IMMP2L: variants seen among roughly 807,000 people sequenced by gnomAD.
The protein encoded by IMMP2L is mitochondrial inner membrane protease subunit 2.
In IMMP2L, 18 loss-of-function variants were observed where a neutral mutation model predicts 19.3. The ratio of observed to expected loss-of-function variants is 0.93; its 90% confidence interval spans 0.64 to 1.38. IMMP2L has a LOEUF of 1.38. Among genes scored for constraint, IMMP2L ranks in the 40% most tolerant of loss-of-function variants. The pLI, the probability that IMMP2L is intolerant of heterozygous loss-of-function variation, is 0.00. For missense variants in IMMP2L, 233 were observed against 218.2 expected, an observed-to-expected ratio of 1.07 and a Z score of -0.43; for synonymous variants, 76 against 73.0, an observed-to-expected ratio of 1.04 and a Z score of -0.21.
At chr7:110,895,816 A>G (rs1338359584) in intron 4 of IMMP2L, among the ~76,000 whole-genome samples, 1 of 152,106 alleles carries the variant, frequency 6.6e-6, no homozygotes, top group Non-Finnish European at 1.5e-5. Context: ...TGTAACTCCC[A>G]GTTTTTCATT....
chr7:110,791,703 C>T (rs888330580), intron 5 of IMMP2L, among the ~76,000 whole-genome samples: 6 of 151,726 alleles, frequency 4.0e-5, no homozygotes, highest in African/African-American at 1.2e-4. Flanking sequence ...CCCCTAATAC[C>T]TTCTAATACT....
chr7:111,178,402 C>G (rs7792161), intron 3 of IMMP2L, among the ~76,000 whole-genome samples: 137,343 of 152,108 alleles, frequency 0.9, 62,080 homozygotes, highest in Non-Finnish European at 0.92. Context: ...TGACTAATCA[C>G]GGTGATGGAT....
Position 111,282,695 on chromosome 7 carries a change from C to T in IMMP2L, c.239+204543G>A, listed in dbSNP as rs547131501. 1.2e-4 allele frequency among the ~76,000 whole-genome samples: 18 copies of T among 152,150 alleles called. 1 individual carries two copies. In the East Asian group the frequency reaches 3.1e-3, roughly 26 times the overall value. On this transcript the variant is annotated intron_variant, in intron 3 of 5. Transcript: ENST00000405709. ...ACCTCCCAGGCTCAGGCAATCCTCC[C>T]ACCTCAACCTCCCAAGTAGCTGGGA...
At chr7:110,882,291 T>TCCTG (rs1554445658) in intron 5 of IMMP2L, among the ~76,000 whole-genome samples, 4 of 58,606 alleles carry the variant, frequency 6.8e-5, no homozygotes, top group East Asian at 4.0e-3. Context: ...TCAAGTGCCT[T>TCCTG]CCTTCCTTCC....
At chr7:111,517,959 T>C (rs1846011030) in intron 2 of IMMP2L, among the ~76,000 whole-genome samples, 2 of 152,136 alleles carry the variant, frequency 1.3e-5, no homozygotes, top group Admixed American at 6.6e-5. Context: ...TGAATGCAGC[T>C]ATACGGCTTT....
At chr7:111,301,921 TAAA>T (rs59156229) in intron 3 of IMMP2L, among the ~76,000 whole-genome samples, 18,238 of 81,926 alleles carry the variant, frequency 0.22, 1,698 homozygotes, top group East Asian at 0.34. Context: ...TTTCATGCTT[TAAA>T]AAAAAAAAAA....
At chr7:110,844,196 T>C (rs957939701) in intron 5 of IMMP2L, among the ~76,000 whole-genome samples, 2 of 152,180 alleles carry the variant, frequency 1.3e-5, no homozygotes, top group Non-Finnish European at 2.9e-5. Flanking sequence ...CCAGTTCCAC[T>C]GAGGAGAAGA....
At chr7:111,128,823 CA>C (rs1003183417) in intron 3 of IMMP2L, among the ~76,000 whole-genome samples, 6 of 151,016 alleles carry the variant, frequency 4.0e-5, no homozygotes, top group Non-Finnish European at 5.9e-5. Flanking sequence ...GACTCCGTCT[CA>C]AAAAAAAGAG....
intron 5 of IMMP2L, among the ~76,000 whole-genome samples, chr7:110,663,965 G>A (rs1378435940): frequency 6.6e-6 from 1 of 152,112 alleles, no homozygotes; most frequent in Admixed American, 6.6e-5. Context: ...AAAACCATTT[G>A]AAGTAGGTTC....
intron 3 of IMMP2L, among the ~76,000 whole-genome samples, chr7:111,009,522 T>C (rs1824694376): frequency 6.6e-6 from 1 of 152,076 alleles, no homozygotes; most frequent in Admixed American, 6.6e-5. Context: ...TGATGACCCA[T>C]GGCATGAAGC....
intron 3 of IMMP2L, among the ~76,000 whole-genome samples, chr7:110,998,721 T>C (rs1823307635): frequency 6.6e-6 from 1 of 152,126 alleles, no homozygotes; most frequent in Non-Finnish European, 1.5e-5. Context: ...AAGGAAGGAA[T>C]GTTCCAAGTG....
chr7:111,047,714 G>C (rs1425727904), intron 3 of IMMP2L, among the ~76,000 whole-genome samples: 1 of 152,020 alleles, frequency 6.6e-6, no homozygotes, highest in African/African-American at 2.4e-5. Context: ...TTGGTCTAGA[G>C]ACCCAGCTGC....
intron 3 of IMMP2L, among the ~76,000 whole-genome samples, chr7:111,057,150 C>T (rs1039265682): frequency 1.3e-5 from 2 of 152,142 alleles, no homozygotes; most frequent in African/African-American, 4.8e-5. Flanking sequence ...TTAAGATGCT[C>T]TCACGAATCA....
chr7:110,779,722 A>G (rs1799613664), intron 5 of IMMP2L, among the ~76,000 whole-genome samples: 1 of 151,874 alleles, frequency 6.6e-6, no homozygotes, highest in African/African-American at 2.4e-5. Context: ...ACACCGCAGC[A>G]TATTCTACCA....
At chr7:111,308,002 G>A (rs1044374272) in intron 3 of IMMP2L, among the ~76,000 whole-genome samples, 6 of 151,818 alleles carry the variant, frequency 4.0e-5, no homozygotes, top group Non-Finnish European at 8.8e-5. Context: ...GATATAGATT[G>A]AGATTTTCAC....
chr7:111,005,739 G>C (rs2129562068), intron 3 of IMMP2L, among the ~76,000 whole-genome samples: 1 of 152,228 alleles, frequency 6.6e-6, no homozygotes, highest in South Asian at 2.1e-4. Flanking sequence ...TTTTGATTTT[G>C]ATGACAATTA....
intron 3 of IMMP2L, among the ~76,000 whole-genome samples, chr7:111,115,530 G>T (rs1799779733): frequency 6.6e-6 from 1 of 151,910 alleles, no homozygotes; most frequent in East Asian, 1.9e-4. Context: ...CTCTGTAAAA[G>T]AAAATTATAA....
intron 3 of IMMP2L, among the ~76,000 whole-genome samples, chr7:111,015,799 T>C (rs1281782635): frequency 6.6e-6 from 1 of 152,104 alleles, no homozygotes; most frequent in Non-Finnish European, 1.5e-5. Flanking sequence ...GACCACTGAA[T>C]TGAATGATTT....
At chr7:111,486,162 G>A (rs1842637970) in intron 3 of IMMP2L, among the ~76,000 whole-genome samples, 1 of 152,146 alleles carries the variant, frequency 6.6e-6, no homozygotes, top group South Asian at 2.1e-4. Context: ...CTCCTTGGAT[G>A]TCTGCCATAC....
Sources: gnomAD v4.1 joint callset for allele counts (sites outside exome capture counted in the v4.1 genomes callset) on GRCh38, gnomAD v4.1.1 for gene constraint, MANE v1.5 for transcripts, NCBI Gene and HGNC (gene_info 2026-07-23, HGNC 2026-07-21) for gene names.